KANK1: variants seen among roughly 807,000 people sequenced by gnomAD.
KANK1 encodes the protein KN motif and ankyrin repeat domains 1.
KANK1 carries 109 observed loss-of-function variants against 106.2 expected under a neutral mutation model. The observed-to-expected ratio is 1.03, with a 90% CI of 0.88 to 1.20. KANK1 has a LOEUF of 1.20. Among genes scored for constraint, KANK1 ranks in the 50% most tolerant of loss-of-function variants. The pLI, the probability that KANK1 is intolerant of heterozygous loss-of-function variation, is 0.00. For missense variants in KANK1, 2,399 were observed against 1,710.7 expected (o/e 1.40, Z -7.10); for synonymous variants, 873 against 652.2 (o/e 1.34, Z -5.16).
chr9:553,229 G>A (rs1278137128), intron 1 of KANK1, among the ~76,000 whole-genome samples: 1 of 152,162 alleles, frequency 6.6e-6, no homozygotes. Flanking sequence ...CAATTTAGTT[G>A]TTTACAACCT....
intron 2 of KANK1, among the ~76,000 whole-genome samples, chr9:680,667 C>A (rs7035584): frequency 0.33 from 50,305 of 151,970 alleles, 9,464 homozygotes; most frequent in African/African-American, 0.52. Context: ...ATTCTAGGGA[C>A]AGTTAAAGTC....
At chr9:588,180 C>CT (rs200253042) in intron 1 of KANK1, among the ~76,000 whole-genome samples, 2 of 152,026 alleles carry the variant, frequency 1.3e-5, no homozygotes, top group Non-Finnish European at 2.9e-5. Context: ...TATCAGTGGG[C>CT]TTTTTTACAT....
At chr9:680,427 C>G (rs16922492) in intron 2 of KANK1, among the ~76,000 whole-genome samples, 1 of 152,028 alleles carries the variant, frequency 6.6e-6, no homozygotes. Context: ...GCTTTTAAAA[C>G]GAGCTATTCA....
At chr9:559,114 C>A (rs1049165136) in intron 1 of KANK1, among the ~76,000 whole-genome samples, 3 of 151,992 alleles carry the variant, frequency 2.0e-5, no homozygotes, top group Non-Finnish European at 2.9e-5. Context: ...TTTAAATGAG[C>A]CTTTTTGGGG....
At chr9:544,125 A>G (rs2060782993) in intron 1 of KANK1, among the ~76,000 whole-genome samples, 5 of 151,724 alleles carry the variant, frequency 3.3e-5, no homozygotes, top group Admixed American at 3.3e-4. Flanking sequence ...GGCTCAAGTG[A>G]TCTTCCCACC....
Position 604,924 on chromosome 9 carries a change from A to G in KANK1, c.-83-71966A>G, listed in dbSNP as rs1211315714. Among the ~76,000 whole-genome samples, 4 of 151,928 alleles carry G rather than the reference A, an allele frequency of 2.6e-5. 1 individual carries two copies. In the South Asian group the frequency reaches 8.3e-4, roughly 31 times the overall value. ...TTTTCTTCATAAATTGCTCAGTCTC[A>G]GGTAGTTCTTTATAGCAGTGTGAAA... On this transcript the variant is annotated intron_variant, in intron 1 of 11. Transcript: ENST00000382297.
At chr9:743,470 C>T (rs1156528349) in intron 10 of KANK1, among the ~76,000 whole-genome samples, 1 of 152,090 alleles carries the variant, frequency 6.6e-6, no homozygotes, top group Non-Finnish European at 1.5e-5. Flanking sequence ...TTTGATTTTA[C>T]TTCTATTATC....
chr9:691,244 T>C (rs927108221), intron 2 of KANK1, among the ~76,000 whole-genome samples: 1 of 152,126 alleles, frequency 6.6e-6, no homozygotes, highest in African/African-American at 2.4e-5. Flanking sequence ...TGATTGACTT[T>C]GACTGCTTTA....
At chr9:706,600 T>C (rs1364657058) in intron 2 of KANK1, among the ~76,000 whole-genome samples, 2 of 151,082 alleles carry the variant, frequency 1.3e-5, no homozygotes, top group African/African-American at 4.9e-5. Flanking sequence ...TACAAGCATG[T>C]ACTACTTTCG....
In KANK1 at chr9:567,987, A is replaced by G. The variant is rs112207288; in HGVS notation, c.-84+63233A>G. Among the ~76,000 whole-genome samples, 17 of 149,858 alleles carry G rather than the reference A, an allele frequency of 1.1e-4. 1 individual carries two copies. The highest frequency in any genetic ancestry group is 3.3e-4 in the Admixed American group (5 of 15,190). ...AGAGTGCCAAAGTTCAACGCTTGGC[A>G]TTGTTGGTTTTTTTTTTTCTTTGTG... On this transcript the variant is annotated intron_variant, in intron 1 of 11. Transcript: ENST00000382297.
At chr9:505,967 C>G (rs958174941) in intron 1 of KANK1, among the ~76,000 whole-genome samples, 15 of 152,160 alleles carry the variant, frequency 9.9e-5, no homozygotes, top group Non-Finnish European at 1.8e-4. Context: ...TTTCTCCTTT[C>G]ATCCAACTTT....
intron 1 of KANK1, among the ~76,000 whole-genome samples, chr9:582,400 A>G (rs1310360113): frequency 6.6e-6 from 1 of 152,180 alleles, no homozygotes; most frequent in East Asian, 1.9e-4. Flanking sequence ...CAGTGAACTA[A>G]TAAAAGTATT....
At chr9:480,484 CA>C (rs2058184547) in intron 3 of KANK1, among the ~76,000 whole-genome samples, 2 of 152,156 alleles carry the variant, frequency 1.3e-5, no homozygotes, top group African/African-American at 4.8e-5. Flanking sequence ...GCCTAAATAA[CA>C]GATGAGAAAG....
rs1011152179 is a variant in KANK1, at chr9:711,817, G to A, written c.1051G>A (p.Glu351Lys). 5.0e-6 allele frequency: 8 copies of A among 1,614,152 alleles called. No homozygotes were observed. Among genetic ancestry groups the A allele is most frequent in the Non-Finnish European group, 5.9e-6 (7 of 1,180,022 alleles). ...CGGGGAATTATACATTGACTATGAGGAGGAAGAAATGGAGACCGTAGAACA... is the reference window on the plus strand; with the variant it reads ...CGGGGAATTATACATTGACTATGAGAAGGAAGAAATGGAGACCGTAGAACA... ...SGGELYIDYE[E>K]EEMETVEQST... is the part of the protein sequence containing the mutation. Residue 351 changes from glutamate to lysine, a missense_variant, in exon 3 of 12, where the codon GAG becomes AAG. Glu to Lys is a moderately conservative substitution (Grantham distance 56). Coordinates refer to ENST00000382297, the MANE Select transcript of KANK1 (RefSeq NM_015158.5).
At chr9:573,498 T>C (rs1819738677) in intron 1 of KANK1, among the ~76,000 whole-genome samples, 1 of 152,106 alleles carries the variant, frequency 6.6e-6, no homozygotes, top group East Asian at 1.9e-4. Flanking sequence ...TCTCGATCTC[T>C]TGACCTCGTG....
chr9:667,776 T>C (rs558198749), intron 1 of KANK1, among the ~76,000 whole-genome samples: 1 of 150,798 alleles, frequency 6.6e-6, no homozygotes, highest in East Asian at 1.9e-4. Flanking sequence ...AGTCTCCCTC[T>C]GTCATCCAGG....
At chr9:480,041 C>A (rs150461511) in intron 3 of KANK1, among the ~76,000 whole-genome samples, 169 of 152,288 alleles carry the variant, frequency 1.1e-3, no homozygotes, top group African/African-American at 3.5e-3. Context: ...AAACTAGAAT[C>A]AAAAACTTTA....
At chr9:609,166 T>C (rs1465550084) in intron 1 of KANK1, among the ~76,000 whole-genome samples, 1 of 152,202 alleles carries the variant, frequency 6.6e-6, no homozygotes, top group Non-Finnish European at 1.5e-5. Context: ...CCTAGTATTA[T>C]TTACCACATT....
intron 1 of KANK1, among the ~76,000 whole-genome samples, chr9:596,761 A>G (rs1322071502): frequency 6.6e-6 from 1 of 151,818 alleles, no homozygotes; most frequent in Non-Finnish European, 1.5e-5. Context: ...ACATAATATA[A>G]CAATAGGCAG....
Sources: allele counts gnomAD v4.1 joint callset (sites outside exome capture counted in the v4.1 genomes callset), GRCh38; gene constraint gnomAD v4.1.1; transcripts MANE v1.5; gene names NCBI Gene and HGNC (gene_info 2026-07-23, HGNC 2026-07-21).